ADAMTS6: variants seen among roughly 807,000 people sequenced by gnomAD.
ADAMTS6 encodes A disintegrin and metalloproteinase with thrombospondin motifs 6.
ADAMTS6 carries 23 observed loss-of-function variants against 144.3 expected under a neutral mutation model. The ratio of observed to expected loss-of-function variants is 0.16; its 90% CI spans 0.11 to 0.23. ADAMTS6 has a LOEUF of 0.23. ADAMTS6 is among the 10% of genes least tolerant of loss of function. The pLI is 1.00. For synonymous variants in ADAMTS6, 444 were observed against 457.5 expected (o/e 0.97, Z 0.38); for missense variants, 999 against 1,379.6 (o/e 0.72, Z 4.37).
chr5:65,292,300 G>A (rs1742389642), intron 10 of ADAMTS6, among the ~76,000 whole-genome samples: 1 of 151,406 alleles, frequency 6.6e-6, no homozygotes, highest in Non-Finnish European at 1.5e-5. Context: ...CATTTCACAT[G>A]TGAGTAAGTT....
At chr5:65,212,483 G>A (rs188431299) in intron 20 of ADAMTS6, among the ~76,000 whole-genome samples, 6 of 123,398 alleles carry the variant, frequency 4.9e-5, no homozygotes, top group Non-Finnish European at 9.8e-5. Flanking sequence ...ATTTCTCAAT[G>A]CAAGTGTTAT....
intron 12 of ADAMTS6, among the ~76,000 whole-genome samples, chr5:65,268,133 G>T (rs1316572389): frequency 1.3e-5 from 2 of 152,170 alleles, no homozygotes; most frequent in East Asian, 1.9e-4. Context: ...CTTTAGAAGG[G>T]CATTTAATAA....
chr5:65,399,710 TATAG>T (rs34542687), intron 7 of ADAMTS6, among the ~76,000 whole-genome samples: 19,572 of 152,126 alleles, frequency 0.13, 1,531 homozygotes, highest in African/African-American at 0.21. Flanking sequence ...CATGAGCATA[TATAG>T]ATACAGATAC....
intron 8 of ADAMTS6, among the ~76,000 whole-genome samples, chr5:65,330,132 C>T (rs1298602337): frequency 6.6e-6 from 1 of 151,968 alleles, no homozygotes; most frequent in East Asian, 1.9e-4. Context: ...TCTCCTATCC[C>T]TTACTTCAAT....
chr5:65,314,202 G>T (rs1326956378), intron 9 of ADAMTS6, among the ~76,000 whole-genome samples: 1 of 152,138 alleles, frequency 6.6e-6, no homozygotes, highest in Admixed American at 6.5e-5. Context: ...TTTAATGCTA[G>T]ATATCTGAAA....
At chr5:65,346,918 A>C (rs1484300046) in intron 7 of ADAMTS6, among the ~76,000 whole-genome samples, 1 of 151,742 alleles carries the variant, frequency 6.6e-6, no homozygotes, top group Non-Finnish European at 1.5e-5. Flanking sequence ...CTACCCAAAA[A>C]AGAAATCAAG....
At chr5:65,404,785 T>C (rs1267229121) in intron 7 of ADAMTS6, among the ~76,000 whole-genome samples, 1 of 152,196 alleles carries the variant, frequency 6.6e-6, no homozygotes, top group Non-Finnish European at 1.5e-5. Flanking sequence ...TTCCTATTTC[T>C]CCACATCCTC....
chr5:65,164,126 A>C (rs866534471), intron 24 of ADAMTS6, among the ~76,000 whole-genome samples: 170 of 152,112 alleles, frequency 1.1e-3, no homozygotes, highest in South Asian at 4.2e-3. Context: ...GTACCGGGTT[A>C]ATCTCACTAG....
chr5:65,271,699 A>G (rs1480154113), intron 12 of ADAMTS6, among the ~76,000 whole-genome samples: 1 of 152,178 alleles, frequency 6.6e-6, no homozygotes, highest in Non-Finnish European at 1.5e-5. Context: ...GATCATGAGA[A>G]TAATAATAAA....
chr5:65,387,675 G>A (rs1307179773), intron 7 of ADAMTS6, among the ~76,000 whole-genome samples: 1 of 152,084 alleles, frequency 6.6e-6, no homozygotes, highest in Non-Finnish European at 1.5e-5. Context: ...TCAATAACTC[G>A]TTTGATGTTC....
At chr5:65,445,893 A>G (rs1758241429) in intron 7 of ADAMTS6, among the ~76,000 whole-genome samples, 1 of 152,192 alleles carries the variant, frequency 6.6e-6, no homozygotes, top group Non-Finnish European at 1.5e-5. Flanking sequence ...TTAATATTCT[A>G]AACCAATCAT....
At chr5:65,297,337 A>C in intron 10 of ADAMTS6, 1 of 433,670 alleles carries the variant, frequency 2.3e-6, no homozygotes, top group Non-Finnish European at 4.6e-6. Flanking sequence ...TTTGTATTCT[A>C]TTGGCCATGG....
At chr5:65,192,771 A>T (rs1300224103) in intron 21 of ADAMTS6, among the ~76,000 whole-genome samples, 1 of 151,872 alleles carries the variant, frequency 6.6e-6, no homozygotes, top group African/African-American at 2.4e-5. Flanking sequence ...TGCTATGAAC[A>T]TGATAACTTT....
chr5:65,434,492 T>C (rs1343159748), intron 7 of ADAMTS6, among the ~76,000 whole-genome samples: 3 of 152,052 alleles, frequency 2.0e-5, no homozygotes, highest in Non-Finnish European at 2.9e-5. Context: ...AAAAGAAATA[T>C]AACTGGAACT....
intron 7 of ADAMTS6, among the ~76,000 whole-genome samples, chr5:65,422,743 T>A (rs1186989842): frequency 6.6e-6 from 1 of 152,218 alleles, no homozygotes; most frequent in Non-Finnish European, 1.5e-5. Context: ...TGGAAATTTC[T>A]CAAATAACTA....
At chr5:65,234,229 T>G (rs1449885673) in intron 15 of ADAMTS6, among the ~76,000 whole-genome samples, 1 of 151,910 alleles carries the variant, frequency 6.6e-6, no homozygotes, top group Admixed American at 6.6e-5. Flanking sequence ...TTGGCAACGA[T>G]TTTTTGGATA....
chr5:65,405,805 G>A (rs1024457256), intron 7 of ADAMTS6, among the ~76,000 whole-genome samples: 4 of 152,002 alleles, frequency 2.6e-5, no homozygotes, highest in African/African-American at 9.7e-5. Context: ...ATTTGTTCGT[G>A]TCCTCTTTTA....
chr5:65,318,238 G>A (rs948912756), intron 9 of ADAMTS6, among the ~76,000 whole-genome samples: 16 of 152,100 alleles, frequency 1.1e-4, no homozygotes, highest in African/African-American at 3.6e-4. Flanking sequence ...AACAAATGCT[G>A]GCAAAGATGT....
chr5:65,310,723 T>G (rs1300587400), intron 9 of ADAMTS6, among the ~76,000 whole-genome samples: 1 of 152,138 alleles, frequency 6.6e-6, no homozygotes, highest in African/African-American at 2.4e-5. Context: ...ATAGAACTAG[T>G]GGTATTTAAA....
Sources: allele counts gnomAD v4.1 joint callset (sites outside exome capture counted in the v4.1 genomes callset), GRCh38; gene constraint gnomAD v4.1.1; transcripts MANE v1.5; gene names NCBI Gene and HGNC (gene_info 2026-07-23, HGNC 2026-07-21).